SPATA13: variants seen among roughly 807,000 people sequenced by gnomAD.
SPATA13 encodes the protein spermatogenesis-associated protein 13.
A neutral mutation model predicts 104.0 loss-of-function variants in SPATA13; 50 were observed. The ratio of observed to expected loss-of-function variants is 0.48; its 90% CI spans 0.38 to 0.61. The LOEUF is 0.61. SPATA13 is among the 20% of genes least tolerant of loss of function. The pLI, the probability that SPATA13 is intolerant of heterozygous loss-of-function variation, is 0.00. For synonymous variants in SPATA13, 606 were observed against 667.5 expected (o/e 0.91, Z 1.42); for missense variants, 1,524 against 1,690.6 (o/e 0.90, Z 1.73).
chr13:24,076,779 C>T (rs1879342572), intron 3 of SPATA13, among the ~76,000 whole-genome samples: 1 of 151,604 alleles, frequency 6.6e-6, no homozygotes, highest in Non-Finnish European at 1.5e-5. Flanking sequence ...GAAGTTACCC[C>T]CAGAAAAGCA....
At chr13:24,198,278 CCACCG>C (rs1300649026) in intron 1 of SPATA13, among the ~76,000 whole-genome samples, 1 of 152,148 alleles carries the variant, frequency 6.6e-6, no homozygotes, top group Non-Finnish European at 1.5e-5. Context: ...CAGGCGTGAG[CCACCG>C]CACCGAGCCA....
chr13:24,218,655 C>G (rs1871392261), intron 1 of SPATA13, among the ~76,000 whole-genome samples: 1 of 151,686 alleles, frequency 6.6e-6, no homozygotes, highest in African/African-American at 2.4e-5. Context: ...CCCAGGGAAG[C>G]TTTGAATGTG....
intron 4 of SPATA13, among the ~76,000 whole-genome samples, chr13:24,265,103 G>A (rs1394011044): frequency 2.0e-5 from 3 of 152,218 alleles, no homozygotes; most frequent in Non-Finnish European, 4.4e-5. Flanking sequence ...AGGCCGGGGC[G>A]AGTCTCACAG....
At chr13:24,123,039 G>A (rs957172165) in intron 3 of SPATA13, 9 of 949,352 alleles carry the variant, frequency 9.5e-6, no homozygotes, top group Middle Eastern at 3.1e-4. Context: ...TTGGTTAAAT[G>A]TCATTGCCAA....
chr13:24,145,504 G>A (rs773301106), intron 3 of SPATA13, among the ~76,000 whole-genome samples: 6 of 152,194 alleles, frequency 3.9e-5, no homozygotes, highest in Non-Finnish European at 7.3e-5. Flanking sequence ...AACCGAGTGA[G>A]CTGGTAACAG....
At chr13:24,207,392 G>C (rs779230218) in intron 1 of SPATA13, among the ~76,000 whole-genome samples, 1 of 152,138 alleles carries the variant, frequency 6.6e-6, no homozygotes, top group Non-Finnish European at 1.5e-5. Context: ...AAATCGGAAA[G>C]AAAATAAAAT....
chr13:24,015,718 C>T (rs372260294), intron 2 of SPATA13, among the ~76,000 whole-genome samples: 3 of 129,722 alleles, frequency 2.3e-5, no homozygotes, highest in African/African-American at 8.8e-5. Context: ...GATCCTTCCC[C>T]TTTGGGGCGA....
chr13:24,163,401 C>G (rs1440409350), intron 1 of SPATA13, among the ~76,000 whole-genome samples: 1 of 152,046 alleles, frequency 6.6e-6, no homozygotes. Context: ...GAGACTCTGT[C>G]TCTAAAAAAA....
chr13:24,046,076 T>C (rs1211259253), intron 3 of SPATA13, among the ~76,000 whole-genome samples: 1 of 152,222 alleles, frequency 6.6e-6, no homozygotes, highest in Non-Finnish European at 1.5e-5. Flanking sequence ...TGCAGAACCA[T>C]GCGTTAGATT....
intron 1 of SPATA13, among the ~76,000 whole-genome samples, chr13:24,183,119 A>G (rs983792254): frequency 2.6e-5 from 4 of 152,194 alleles, no homozygotes; most frequent in African/African-American, 9.7e-5. Flanking sequence ...ATAACTTTTG[A>G]GGGGTTATAA....
intron 2 of SPATA13, among the ~76,000 whole-genome samples, chr13:24,239,712 A>AT (rs1872742291): frequency 2.0e-5 from 3 of 148,844 alleles, no homozygotes; most frequent in African/African-American, 7.7e-5. Flanking sequence ...AAAAAAAAAA[A>AT]AAAAAAATAG....
chr13:24,256,639 C>T (rs952971633), intron 4 of SPATA13, among the ~76,000 whole-genome samples: 3 of 152,014 alleles, frequency 2.0e-5, no homozygotes, highest in Non-Finnish European at 2.9e-5. Flanking sequence ...AACTTGGCAG[C>T]GCCGTGCTGT....
At chr13:24,045,136 A>G (rs1046137211) in intron 3 of SPATA13, among the ~76,000 whole-genome samples, 11 of 152,174 alleles carry the variant, frequency 7.2e-5, no homozygotes, top group Non-Finnish European at 1.2e-4. Flanking sequence ...CTCATTGCCA[A>G]TCCTTCTGAC....
rs376129935 is a variant in SPATA13, at chr13:24,249,710, C to T, written c.1887C>T (p.Ala629=). Reference sequence around the variant, plus strand: ...ACCCCCAGGCAAGCATGACTTCTGCCAGCCCTGAAGACCAGAATGCTCCAG... The same window carrying T: ...ACCCCCAGGCAAGCATGACTTCTGCTAGCCCTGAAGACCAGAATGCTCCAG... ...DEDPQASMTS[A]SPEDQNAPVG... is the part of the protein sequence containing the mutation. The change falls in exon 3 of 13, where the codon GCC becomes GCT. Residue 629 remains alanine, a synonymous_variant. Transcript: ENST00000382108. 16 of 1,614,266 alleles carry T rather than the reference C, an allele frequency of 9.9e-6. No individual in the cohort carries two copies. Among genetic ancestry groups the T allele is most frequent in the Middle Eastern group, 1.6e-4 (1 of 6,062 alleles).
intron 3 of SPATA13, among the ~76,000 whole-genome samples, chr13:24,109,521 C>A (rs1880568909): frequency 6.6e-6 from 1 of 152,150 alleles, no homozygotes; most frequent in Admixed American, 6.5e-5. Flanking sequence ...GTTGGCCATT[C>A]ATTCTCTTCT....
At chr13:24,160,082 T>A (rs1003870926), upstream of SPATA13, among the ~76,000 whole-genome samples, 4 of 152,200 alleles carry the variant, frequency 2.6e-5, no homozygotes, top group Non-Finnish European at 5.9e-5. Context: ...CCCCAGGCCC[T>A]GGGAAACATG....
intron 1 of SPATA13, among the ~76,000 whole-genome samples, chr13:24,218,022 G>A (rs145390855): frequency 6.6e-6 from 1 of 152,362 alleles, no homozygotes. Context: ...ACTCGCAAAG[G>A]CATGGTGGTG....
upstream of SPATA13, among the ~76,000 whole-genome samples, chr13:24,156,388 A>G (rs1015923783): frequency 1.3e-5 from 2 of 152,258 alleles, no homozygotes; most frequent in Middle Eastern, 3.4e-3. Context: ...CTCCGAGCAG[A>G]CAGGGAGGCA....
At chr13:24,171,826 A>C (rs1014421844) in intron 1 of SPATA13, among the ~76,000 whole-genome samples, 1 of 152,256 alleles carries the variant, frequency 6.6e-6, no homozygotes, top group African/African-American at 2.4e-5. Context: ...CTGACACAGA[A>C]GAGGCAGAAC....
Sources: gnomAD v4.1 joint callset for allele counts (sites outside exome capture counted in the v4.1 genomes callset) on GRCh38, gnomAD v4.1.1 for gene constraint, MANE v1.5 for transcripts, NCBI Gene and HGNC (gene_info 2026-07-23, HGNC 2026-07-21) for gene names.